CNTN5: variants seen among roughly 807,000 people sequenced by gnomAD.
CNTN5 encodes the protein contactin-5.
CNTN5 carries 77 observed loss-of-function variants against 129.1 expected under a neutral mutation model. The observed-to-expected ratio is 0.60, with a 90% CI of 0.50 to 0.72. CNTN5 has a LOEUF of 0.72. Ranked by LOEUF, CNTN5 falls within the 30% of genes least tolerant of loss-of-function variation. The probability of loss-of-function intolerance (pLI) is 0.00; values close to 1 mark genes in which losing one functional copy is unlikely to be tolerated. For missense variants in CNTN5, 1,478 were observed against 1,328.8 expected, an observed-to-expected ratio of 1.11 and a Z score of -1.75; for synonymous variants, 509 against 465.6, an observed-to-expected ratio of 1.09 and a Z score of -1.20.
intron 21 of CNTN5, among the ~76,000 whole-genome samples, chr11:100,320,453 A>G (rs1182075287): frequency 6.6e-6 from 1 of 152,146 alleles, no homozygotes; most frequent in Non-Finnish European, 1.5e-5. Context: ...CCCTTATCAA[A>G]TGTAGAGTTT....
At position 99,058,385 on chromosome 11, in the gene CNTN5, ATAG is replaced by A. The variant is rs200521390; in HGVS notation, c.-210+37119_-210+37121del. ...AAATATGACAGCCATAAACACACAA[ATAG>A]TAGAGAAAGCTGTATGCTATTGCTG... On this transcript the variant is annotated intron_variant, in intron 1 of 24. Transcript: ENST00000524871. 7.5e-3 allele frequency among the ~76,000 whole-genome samples: 1,143 copies of A among 152,190 alleles called. 11 individuals carry two copies. Among genetic ancestry groups the A allele is most frequent in the African/African-American group, 0.025 (1,018 of 41,528 alleles).
intron 3 of CNTN5, among the ~76,000 whole-genome samples, chr11:99,783,893 T>G (rs10082631): frequency 1.1e-4 from 16 of 150,908 alleles, no homozygotes; most frequent in Middle Eastern, 3.4e-3. Context: ...GTGGGTGCAG[T>G]GCACCAGCAT....
At chr11:100,351,120 C>T (rs1415699689) in intron 24 of CNTN5, among the ~76,000 whole-genome samples, 2 of 151,682 alleles carry the variant, frequency 1.3e-5, no homozygotes, top group South Asian at 2.1e-4. Flanking sequence ...GTCCTTGCCT[C>T]TCCTGGTCTC....
chr11:100,067,540 TAAC>T (rs1943745135), intron 10 of CNTN5, among the ~76,000 whole-genome samples: 1 of 151,820 alleles, frequency 6.6e-6, no homozygotes, highest in South Asian at 2.1e-4. Context: ...CTCTTACACA[TAAC>T]AACATAGTTT....
intron 17 of CNTN5, among the ~76,000 whole-genome samples, chr11:100,256,463 A>C (rs952638375): frequency 6.6e-6 from 1 of 152,170 alleles, no homozygotes; most frequent in African/African-American, 2.4e-5. Flanking sequence ...ACTCCTTTCT[A>C]GTCATACATC....
At chr11:99,162,604 A>G (rs926310727) in intron 1 of CNTN5, among the ~76,000 whole-genome samples, 7 of 152,224 alleles carry the variant, frequency 4.6e-5, no homozygotes, top group Non-Finnish European at 1.0e-4. Context: ...TCTTCCTATA[A>G]TACATTATCT....
chr11:100,320,662 T>C (rs913190131), intron 21 of CNTN5, among the ~76,000 whole-genome samples: 1 of 152,158 alleles, frequency 6.6e-6, no homozygotes, highest in Middle Eastern at 3.2e-3. Flanking sequence ...TTTCTCTACA[T>C]TTTCTTCTAG....
intron 1 of CNTN5, among the ~76,000 whole-genome samples, chr11:99,298,315 TA>T (rs1864474015): frequency 6.6e-6 from 1 of 151,986 alleles, no homozygotes; most frequent in Non-Finnish European, 1.5e-5. Context: ...ACAAAAAAGG[TA>T]AAATGACATA....
intron 2 of CNTN5, among the ~76,000 whole-genome samples, chr11:99,517,968 T>C (rs1204420589): frequency 6.6e-6 from 1 of 152,122 alleles, no homozygotes; most frequent in Admixed American, 6.6e-5. Context: ...AGGAATGATA[T>C]TGGAGAATAT....
chr11:100,257,731 G>A (rs1218422338), intron 17 of CNTN5, among the ~76,000 whole-genome samples: 1 of 151,978 alleles, frequency 6.6e-6, no homozygotes, highest in Non-Finnish European at 1.5e-5. Context: ...CAAACAGAAA[G>A]GAATAGCATC....
intron 1 of CNTN5, among the ~76,000 whole-genome samples, chr11:99,065,551 T>C (rs1865066235): frequency 6.6e-6 from 1 of 152,202 alleles, no homozygotes; most frequent in Admixed American, 6.6e-5. Context: ...AATTATTTCA[T>C]AGTGTTGCCA....
chr11:100,138,249 G>GAAA (rs60393448), intron 13 of CNTN5, among the ~76,000 whole-genome samples: 1 of 147,568 alleles, frequency 6.8e-6, no homozygotes, highest in Non-Finnish European at 1.5e-5. Flanking sequence ...TGGCACTAAG[G>GAAA]AAAAAAAAAA....
chr11:99,270,869 T>A (rs1054256978), intron 1 of CNTN5, among the ~76,000 whole-genome samples: 1 of 151,992 alleles, frequency 6.6e-6, no homozygotes, highest in Non-Finnish European at 1.5e-5. Context: ...ATAGAATGCA[T>A]GTTTGTATTC....
At chr11:99,645,408 A>G (rs1445808399) in intron 3 of CNTN5, among the ~76,000 whole-genome samples, 1 of 152,010 alleles carries the variant, frequency 6.6e-6, no homozygotes, top group South Asian at 2.1e-4. Context: ...GCTGGGTCAG[A>G]TGGTATTCCT....
chr11:99,300,301 C>T (rs1313685569), intron 1 of CNTN5, among the ~76,000 whole-genome samples: 3 of 151,786 alleles, frequency 2.0e-5, no homozygotes, highest in Non-Finnish European at 4.4e-5. Flanking sequence ...TCTTCTCATG[C>T]CTTGTTTGTT....
chr11:100,291,326 C>G (rs1364823974), intron 18 of CNTN5, among the ~76,000 whole-genome samples: 1 of 151,924 alleles, frequency 6.6e-6, no homozygotes, highest in Non-Finnish European at 1.5e-5. Flanking sequence ...TATTGCAGCA[C>G]TATTCACAAT....
chr11:100,298,707 A>T (rs1565411786), intron 19 of CNTN5, among the ~76,000 whole-genome samples: 1 of 151,380 alleles, frequency 6.6e-6, no homozygotes, highest in Non-Finnish European at 1.5e-5. Context: ...CATGTCAGTA[A>T]CCATAAAAGC....
chr11:99,787,848 C>A (rs1009088893), intron 3 of CNTN5, among the ~76,000 whole-genome samples: 3 of 151,922 alleles, frequency 2.0e-5, no homozygotes, highest in Admixed American at 6.6e-5. Flanking sequence ...TGAAAAATTT[C>A]TCCTTATACC....
intron 3 of CNTN5, among the ~76,000 whole-genome samples, chr11:99,768,367 A>G (rs922688821): frequency 7.2e-5 from 11 of 152,112 alleles, no homozygotes; most frequent in African/African-American, 2.7e-4. Flanking sequence ...ATCGTCCTAT[A>G]TCTCCTACAT....
Sources: allele counts gnomAD v4.1 joint callset (sites outside exome capture counted in the v4.1 genomes callset), GRCh38; gene constraint gnomAD v4.1.1; transcripts MANE v1.5; gene names NCBI Gene and HGNC (gene_info 2026-07-23, HGNC 2026-07-21).